Variants in ZNF385D observed in about 807,000 individuals in gnomAD.
ZNF385D encodes the protein zinc finger protein 385D, also known as zinc finger protein 659.
A neutral mutation model predicts 35.8 loss-of-function variants in ZNF385D; 15 were observed. That is an observed-to-expected ratio of 0.42 (90% confidence interval 0.28 to 0.64). The LOEUF is 0.64. ZNF385D is among the 30% of genes least tolerant of loss of function. The pLI is 0.23. For missense variants in ZNF385D, 474 were observed against 494.6 expected, an observed-to-expected ratio of 0.96 and a Z score of 0.39; for synonymous variants, 212 against 186.8, an observed-to-expected ratio of 1.13 and a Z score of -1.10.
intron 2 of ZNF385D, among the ~76,000 whole-genome samples, chr3:22,299,381 A>G (rs1702773895): frequency 6.6e-6 from 1 of 151,828 alleles, no homozygotes; most frequent in Non-Finnish European, 1.5e-5. Context: ...CATGCTGAAT[A>G]TTTTTCCTAC....
chr3:21,861,345 G>C (rs1310831713), intron 3 of ZNF385D, among the ~76,000 whole-genome samples: 3 of 151,990 alleles, frequency 2.0e-5, no homozygotes, highest in Non-Finnish European at 4.4e-5. Context: ...TTTTATTTAG[G>C]GGCATCCATT....
At chr3:21,613,341 A>AT (rs2064744570) in intron 2 of ZNF385D, among the ~76,000 whole-genome samples, 1 of 128,726 alleles carries the variant, frequency 7.8e-6, no homozygotes, top group Admixed American at 8.5e-5. Context: ...AAGTCAGAAG[A>AT]TAAAAAAAAA....
chr3:21,975,633 A>G (rs1703547945), intron 3 of ZNF385D, among the ~76,000 whole-genome samples: 2 of 151,300 alleles, frequency 1.3e-5, no homozygotes, highest in African/African-American at 2.4e-5. Context: ...CACATTGTAT[A>G]CTTTTATCAA....
At chr3:21,900,417 A>G (rs1476549163) in intron 3 of ZNF385D, among the ~76,000 whole-genome samples, 1 of 152,184 alleles carries the variant, frequency 6.6e-6, no homozygotes, top group Non-Finnish European at 1.5e-5. Flanking sequence ...TGACCTCTTT[A>G]TAATAATGTT....
At chr3:21,621,554 C>CGTGT (rs58332425) in intron 2 of ZNF385D, among the ~76,000 whole-genome samples, 3,889 of 136,944 alleles carry the variant, frequency 0.028, 97 homozygotes, top group South Asian at 0.1. Flanking sequence ...AAAAAATTCC[C>CGTGT]GTGTGTGTGT....
At chr3:22,015,060 A>T (rs1696801678) in intron 3 of ZNF385D, among the ~76,000 whole-genome samples, 1 of 152,032 alleles carries the variant, frequency 6.6e-6, no homozygotes, top group African/African-American at 2.4e-5. Context: ...TTTTTAAATT[A>T]TACACAGCTG....
chr3:22,225,680 T>C (rs544317730), intron 2 of ZNF385D, among the ~76,000 whole-genome samples: 93 of 152,308 alleles, frequency 6.1e-4, no homozygotes, highest in Non-Finnish European at 1.1e-3. Context: ...CCCATTTCTT[T>C]ACTAATAGTT....
chr3:22,369,861 C>T (rs1185972238), intron 2 of ZNF385D, among the ~76,000 whole-genome samples: 1 of 152,044 alleles, frequency 6.6e-6, no homozygotes. Context: ...CTCATAAGTA[C>T]TGAATTTATG....
rs1700527245 is a variant in ZNF385D at position 21,413,924 on chromosome 3, GTCT to G, written c.*7287_*7289del. ...CTTATCACTCAATTTATTCGACAGT[GTCT>G]GTTTGTAGTTTTATTGTGAAGAACA... On this transcript the variant is annotated 3_prime_UTR_variant, in exon 8 of 8. Transcript: ENST00000281523. 6.6e-6 allele frequency: 1 copy of G among 152,072 alleles called. No individual in the cohort carries two copies. Among genetic ancestry groups the G allele is most frequent in the South Asian group, 2.1e-4 (1 of 4,832 alleles). 9.4% of individuals were successfully genotyped at this position (152,072 alleles called of 1,614,324 possible).
intron 3 of ZNF385D, chr3:21,877,976 A>G (rs1197384065): frequency 1.3e-5 from 2 of 152,084 alleles, no homozygotes. Flanking sequence ...ATAAAATGAT[A>G]AACAACTTAT....
chr3:21,796,356 T>A (rs972975339), intron 3 of ZNF385D, among the ~76,000 whole-genome samples: 2 of 152,072 alleles, frequency 1.3e-5, no homozygotes, highest in African/African-American at 2.4e-5. Flanking sequence ...CAAATCAATA[T>A]CTCTCATAAA....
At chr3:21,866,599 G>C (rs1045862132) in intron 3 of ZNF385D, among the ~76,000 whole-genome samples, 15 of 152,144 alleles carry the variant, frequency 9.9e-5, no homozygotes, top group African/African-American at 3.1e-4. Flanking sequence ...AGTAGGTATG[G>C]GGTGGAACCC....
intron 3 of ZNF385D, among the ~76,000 whole-genome samples, chr3:22,164,798 G>A (rs554679579): frequency 9.2e-5 from 14 of 152,038 alleles, no homozygotes; most frequent in East Asian, 7.8e-4. Flanking sequence ...CAAAGTGTCC[G>A]GATAATTTTT....
At chr3:22,061,776 T>C (rs552654087) in intron 3 of ZNF385D, among the ~76,000 whole-genome samples, 18 of 152,258 alleles carry the variant, frequency 1.2e-4, no homozygotes, top group Non-Finnish European at 1.8e-4. Flanking sequence ...ACACACACAC[T>C]CCACCTGCTA....
chr3:21,459,946 C>A (rs1703060660), intron 4 of ZNF385D, among the ~76,000 whole-genome samples: 1 of 152,144 alleles, frequency 6.6e-6, no homozygotes, highest in Non-Finnish European at 1.5e-5. Flanking sequence ...TTACAACCTC[C>A]CATGTTGTCG....
chr3:21,936,391 A>AT (rs1480484432), intron 3 of ZNF385D, among the ~76,000 whole-genome samples: 1 of 102,438 alleles, frequency 9.8e-6, no homozygotes, highest in Non-Finnish European at 2.6e-5. Flanking sequence ...GATGTGTAAC[A>AT]ATTTTTTTTT....
intron 3 of ZNF385D, among the ~76,000 whole-genome samples, chr3:21,867,273 G>C (rs596402): frequency 1.3e-5 from 2 of 151,856 alleles, no homozygotes; most frequent in South Asian, 2.1e-4. Flanking sequence ...ATTAGGCCTC[G>C]TCTCCTGACA....
At chr3:21,719,683 A>G (rs763874263) in intron 1 of ZNF385D, among the ~76,000 whole-genome samples, 5 of 152,202 alleles carry the variant, frequency 3.3e-5, no homozygotes, top group Non-Finnish European at 5.9e-5. Flanking sequence ...ATGAATAATC[A>G]TGTAAGACTC....
At chr3:21,562,827 G>A (rs1238308524) in intron 3 of ZNF385D, among the ~76,000 whole-genome samples, 1 of 32,302 alleles carries the variant, frequency 3.1e-5, no homozygotes, top group East Asian at 4.3e-4. Flanking sequence ...GTATTAAGAG[G>A]ACTCTTTTTT....
Sources: gnomAD v4.1 joint callset for allele counts (sites outside exome capture counted in the v4.1 genomes callset) on GRCh38, gnomAD v4.1.1 for gene constraint, MANE v1.5 for transcripts, NCBI Gene and HGNC (gene_info 2026-07-23, HGNC 2026-07-21) for gene names.